Variants in DCC observed in about 807,000 individuals in gnomAD.
DCC encodes DCC netrin 1 receptor, also known as netrin receptor DCC.
Under a neutral mutation model 172.5 loss-of-function variants are expected in DCC, and 58 were observed. The ratio of observed to expected loss-of-function variants is 0.34; its 90% confidence interval spans 0.27 to 0.42. The LOEUF is 0.42. Among genes scored for constraint, DCC ranks in the 10% least tolerant of loss-of-function variants. DCC has a pLI of 1.00. For synonymous variants in DCC, 709 were observed against 644.5 expected, an observed-to-expected ratio of 1.10 and a Z score of -1.52; for missense variants, 1,740 against 1,791.0, an observed-to-expected ratio of 0.97 and a Z score of 0.51.
At chr18:52,475,981 T>TAA (rs1989082758) in intron 1 of DCC, among the ~76,000 whole-genome samples, 1 of 152,164 alleles carries the variant, frequency 6.6e-6, no homozygotes, top group Non-Finnish European at 1.5e-5. Flanking sequence ...CTTTTCCAGA[T>TAA]AACAGCTGCA....
intron 15 of DCC, among the ~76,000 whole-genome samples, chr18:53,385,028 T>C (rs950389059): frequency 2.6e-5 from 4 of 151,010 alleles, no homozygotes; most frequent in South Asian, 2.1e-4. Context: ...TTTCTTTTTT[T>C]TTTTTTTTTT....
At chr18:53,008,140 T>C (rs1316657010) in intron 5 of DCC, among the ~76,000 whole-genome samples, 1 of 115,962 alleles carries the variant, frequency 8.6e-6, no homozygotes, top group Non-Finnish European at 1.9e-5. Flanking sequence ...AATCTGACTA[T>C]AATAAGAAAA....
At chr18:52,880,315 T>G (rs1281123539) in intron 2 of DCC, among the ~76,000 whole-genome samples, 1 of 152,120 alleles carries the variant, frequency 6.6e-6, no homozygotes, top group African/African-American at 2.4e-5. Context: ...TGTGTGTGTA[T>G]GTGTGTATTT....
chr18:53,126,755 A>G (rs1262258819), intron 7 of DCC, among the ~76,000 whole-genome samples: 1 of 152,162 alleles, frequency 6.6e-6, no homozygotes, highest in Non-Finnish European at 1.5e-5. Context: ...GCTCAGGTCA[A>G]ATAAGACCAT....
At chr18:52,949,733 T>A (rs2040605686) in intron 5 of DCC, among the ~76,000 whole-genome samples, 1 of 152,204 alleles carries the variant, frequency 6.6e-6, no homozygotes, top group Admixed American at 6.5e-5. Context: ...GTGGCAACAC[T>A]CTTGTCAAGG....
At chr18:53,300,773 T>G (rs2057123964) in intron 12 of DCC, among the ~76,000 whole-genome samples, 1 of 151,924 alleles carries the variant, frequency 6.6e-6, no homozygotes, top group African/African-American at 2.4e-5. Context: ...AAATGCAAAT[T>G]TAGATTATAT....
intron 7 of DCC, among the ~76,000 whole-genome samples, chr18:53,099,086 T>C (rs964047337): frequency 1.3e-5 from 2 of 152,164 alleles, no homozygotes; most frequent in African/African-American, 4.8e-5. Flanking sequence ...CTATTCCTCA[T>C]GTTCCTTTTC....
intron 2 of DCC, among the ~76,000 whole-genome samples, chr18:52,775,869 G>T (rs76853726): frequency 1.3e-5 from 2 of 152,272 alleles, no homozygotes; most frequent in East Asian, 3.9e-4. Flanking sequence ...ACCTAGGTCC[G>T]TGAGGGTGGA....
At chr18:52,767,123 C>T (rs1277880541) in intron 2 of DCC, among the ~76,000 whole-genome samples, 4 of 149,516 alleles carry the variant, frequency 2.7e-5, no homozygotes, top group South Asian at 2.1e-4. Context: ...TGCAAACATA[C>T]GAGATTATAT....
At chr18:52,858,742 G>A (rs2039090417) in intron 2 of DCC, among the ~76,000 whole-genome samples, 1 of 152,218 alleles carries the variant, frequency 6.6e-6, no homozygotes, top group Non-Finnish European at 1.5e-5. Context: ...TAAGATGTGA[G>A]CCTTCTTGTA....
intron 9 of DCC, among the ~76,000 whole-genome samples, chr18:53,203,285 A>G (rs1055936201): frequency 3.9e-5 from 6 of 151,900 alleles, no homozygotes; most frequent in Admixed American, 3.3e-4. Context: ...TGGTATATAT[A>G]TTTCAAAGTG....
intron 5 of DCC, among the ~76,000 whole-genome samples, chr18:52,963,842 T>A (rs1055498663): frequency 1.3e-5 from 2 of 151,852 alleles, no homozygotes; most frequent in Non-Finnish European, 2.9e-5. Flanking sequence ...TTTTTTTTTT[T>A]ATCCAAACTC....
At chr18:53,122,153 C>T (rs1447851863) in intron 7 of DCC, among the ~76,000 whole-genome samples, 1 of 151,948 alleles carries the variant, frequency 6.6e-6, no homozygotes, top group Non-Finnish European at 1.5e-5. Context: ...TTCAGGTTGG[C>T]TTGCATATAA....
chr18:53,488,415 C>A (rs982074372), intron 26 of DCC, among the ~76,000 whole-genome samples: 1 of 152,062 alleles, frequency 6.6e-6, no homozygotes, highest in Non-Finnish European at 1.5e-5. Context: ...TGACCTTTAT[C>A]GGGTTTCTCC....
chr18:52,562,273 G>A (rs539066095), intron 1 of DCC, among the ~76,000 whole-genome samples: 1 of 152,072 alleles, frequency 6.6e-6, no homozygotes, highest in Admixed American at 6.6e-5. Context: ...TATATGAACC[G>A]ACATTCTTTA....
At chr18:52,630,773 G>C (rs2144879316) in intron 1 of DCC, among the ~76,000 whole-genome samples, 1 of 152,290 alleles carries the variant, frequency 6.6e-6, no homozygotes, top group South Asian at 2.1e-4. Flanking sequence ...GATATTGCAA[G>C]AGGTTACACT....
chr18:53,029,087 A>G (rs571704098), intron 5 of DCC, among the ~76,000 whole-genome samples: 3 of 148,472 alleles, frequency 2.0e-5, no homozygotes, highest in South Asian at 4.2e-4. Flanking sequence ...TTAATTCACA[A>G]AGAAGTAAAC....
intron 13 of DCC, among the ~76,000 whole-genome samples, chr18:53,312,307 C>T (rs1292672888): frequency 7.4e-6 from 1 of 135,946 alleles, no homozygotes. Flanking sequence ...CGCCACTGCC[C>T]TCCAGCCTGG....
chr18:53,488,771 G>A (rs772531856), intron 26 of DCC, among the ~76,000 whole-genome samples: 9 of 152,328 alleles, frequency 5.9e-5, no homozygotes, highest in Admixed American at 1.3e-4. Flanking sequence ...TAGGTTGTGT[G>A]TATGTGGGAT....
Sources: allele counts gnomAD v4.1 joint callset (sites outside exome capture counted in the v4.1 genomes callset), GRCh38; gene constraint gnomAD v4.1.1; transcripts MANE v1.5; gene names NCBI Gene and HGNC (gene_info 2026-07-23, HGNC 2026-07-21).